MEGF8: variants seen among roughly 807,000 people sequenced by gnomAD.
The protein encoded by MEGF8 is multiple EGF like domains 8, also known as multiple epidermal growth factor-like domains protein 8.
MEGF8 carries 156 observed loss-of-function variants against 302.9 expected under a neutral mutation model. The observed-to-expected ratio is 0.52, with a 90% CI of 0.45 to 0.59. MEGF8 has a LOEUF of 0.59. MEGF8 is among the 20% of genes least tolerant of loss of function. The pLI is 0.00. For synonymous variants in MEGF8, 1,621 were observed against 1,660.5 expected, an observed-to-expected ratio of 0.98 and a Z score of 0.58; for missense variants, 3,345 against 3,964.5, an observed-to-expected ratio of 0.84 and a Z score of 4.20.
intron 41 of MEGF8, among the ~76,000 whole-genome samples, chr19:42,372,930 C>A (rs966618003): frequency 7.2e-5 from 11 of 152,116 alleles, no homozygotes; most frequent in African/African-American, 2.4e-4. Flanking sequence ...GCCTTGGCCC[C>A]CCAAAGTGCT....
Position 42,376,404 on chromosome 19 carries a change from C to A in MEGF8, c.8167C>A (p.Pro2723Thr). The A allele has an allele frequency of 6.2e-7, 1 of 1,612,800 alleles. No individual in the cohort carries two copies. Residue 2723 changes from proline to threonine, a missense_variant, in exon 42 of 42, where the codon CCC (proline) becomes ACC (threonine). Transcript: ENST00000251268. This position sits in a 1 kb window ranked among gnomAD's most constrained non-coding sequence, Gnocchi z 8.2. ...CTGGAAGCCGGCTGGGCTCCCACCT[C>A]CCGCCTTCCGCCGCTCTGAGCCCTT... ...SAWKPAGLPP[P>T]AFRRSEPFLA...
chr19:42,345,214 C>T (rs992453531), intron 12 of MEGF8, among the ~76,000 whole-genome samples: 24 of 152,320 alleles, frequency 1.6e-4, no homozygotes, highest in African/African-American at 5.1e-4. Context: ...TTAAATGATC[C>T]GCCTGCCTTG....
rs917844176 is a variant in MEGF8 at position 42,352,385 on chromosome 19, C to T, written c.3279C>T (p.Asn1093=). The change falls in exon 19 of 42, where the codon AAC becomes AAT. Residue 1093 remains asparagine (N), a synonymous_variant. Transcript: ENST00000251268. This position sits in a 1 kb window ranked among gnomAD's most constrained non-coding sequence, Gnocchi z 4.4. The stretch of plus-strand genomic sequence containing the variant: ...GCCACCCGCGGGCGACCTGCCTGAA[C>T]ACGCCCCTCAGCTACGAGTGTCACT... ...ARCHPRATCL[N]TPLSYECHCQ... is the part of the protein sequence containing the mutation. 6.3e-6 allele frequency: 10 copies of T among 1,593,338 alleles called. No individual in the cohort carries two copies. The highest frequency in any genetic ancestry group is 8.5e-6 in the Non-Finnish European group (10 of 1,170,744).
At chr19:42,327,464 A>G (rs1345827328) in intron 1 of MEGF8, among the ~76,000 whole-genome samples, 1 of 152,216 alleles carries the variant, frequency 6.6e-6, no homozygotes, top group Non-Finnish European at 1.5e-5. Context: ...GGAGGAGGAA[A>G]TGTCTAAGCT....
At chr19:42,329,571 TA>T (rs1466743438) in intron 1 of MEGF8, among the ~76,000 whole-genome samples, 1 of 152,022 alleles carries the variant, frequency 6.6e-6, no homozygotes, top group Non-Finnish European at 1.5e-5. Flanking sequence ...TATTATAAAA[TA>T]AACAACCAGC....
chr19:42,375,413 A>G lies in MEGF8; in HGVS notation c.7270-94A>G. The stretch of plus-strand genomic sequence containing the variant: ...GTGAGGCCCAGGGCAATGGCTACTT[A>G]GCAGTGGGTATAGAGTATTCGTCAC... On this transcript the variant is annotated intron_variant, in intron 41 of 41. Transcript: ENST00000251268. The surrounding 1 kb of genome is among the most constrained non-coding windows in gnomAD (Gnocchi z 7.1). The G allele has an allele frequency of 7.9e-7, 1 of 1,270,354 alleles. No homozygotes were observed. The highest frequency in any genetic ancestry group is 1.1e-6 in the Non-Finnish European group (1 of 939,572). The allele number at this position is 1,270,354 out of a possible 1,614,324, so 78.7% of individuals were successfully genotyped here.
At chr19:42,333,884 G>A (rs1454582600) in intron 2 of MEGF8, 116 bp downstream of exon 2, 8 of 1,526,188 alleles carry the variant, frequency 5.2e-6, no homozygotes, top group African/African-American at 1.4e-5. Context: ...GGAAGGTGGA[G>A]AGAGGCAAAG....
intron 5 of MEGF8, 57 bp from the exon 6 acceptor site, chr19:42,335,874 C>G (rs2039120494): frequency 1.4e-6 from 2 of 1,417,392 alleles, no homozygotes; most frequent in Non-Finnish European, 1.8e-6. Context: ...TCTGTCTAAG[C>G]CTGGCTCTGG....
intron 31 of MEGF8, among the ~76,000 whole-genome samples, chr19:42,360,204 C>T (rs944707847): frequency 6.6e-6 from 1 of 150,728 alleles, no homozygotes; most frequent in East Asian, 1.9e-4. Context: ...GTTGTCCAGC[C>T]GCCACATCTA....
Position 42,363,332 on chromosome 19 carries a change from G to T in MEGF8, c.6273+70G>T. ...GTCTCCCTCCTCTCTGCGCTGGCAG[G>T]GACCTTTCTTCCACCATCTCCTCCA... On this transcript the variant is annotated intron_variant, in intron 35 of 41. Coordinates refer to ENST00000251268, the MANE Select transcript of MEGF8 (RefSeq NM_001271938.2). 3.0e-6 allele frequency: 4 copies of T among 1,337,676 alleles called. No individual in the cohort carries two copies. In the South Asian group the frequency reaches 5.1e-5, roughly 17 times the overall value. 82.9% of individuals were successfully genotyped at this position (1,337,676 alleles called of 1,614,324 possible). A position where few individuals can be genotyped will look rare whatever the true frequency, so the allele number is the denominator to read the frequency against.
chr19:42,350,697 C>T (rs566250643), intron 15 of MEGF8, among the ~76,000 whole-genome samples: 10 of 152,340 alleles, frequency 6.6e-5, no homozygotes, highest in East Asian at 5.8e-4. Context: ...AGGCAGCCCT[C>T]GACACCCTGC....
chr19:42,351,276 C>CG lies in MEGF8; in HGVS notation c.2801dup (p.Arg935ProfsTer23). 6.4e-7 allele frequency: 1 copy of CG among 1,571,528 alleles called. No individual in the cohort carries two copies. The highest frequency in any genetic ancestry group is 1.9e-5 in the Admixed American group (1 of 53,102). ...CAAAGGGGACGCGGCATGCAGCCGG[C>CG]GGGGCCGGGGTCGGGGTGCCCTGAA... On this transcript the variant is annotated frameshift_variant, in exon 16 of 42. Coordinates refer to ENST00000251268, the MANE Select transcript of MEGF8 (RefSeq NM_001271938.2). LOFTEE classifies it high-confidence loss of function. This position sits in a 1 kb window ranked among gnomAD's most constrained non-coding sequence, Gnocchi z 5.6.
chr19:42,360,686 C>A, intron 31 of MEGF8, 89 bp from the exon 32 acceptor site: 1 of 1,528,818 alleles, frequency 6.5e-7, no homozygotes, highest in Non-Finnish European at 8.8e-7. Flanking sequence ...TCCTCTTTCC[C>A]TGCATCCTTC....
chr19:42,357,574 A>AC lies in MEGF8; in HGVS notation c.5007dup (p.Thr1670HisfsTer43). The AC allele has an allele frequency of 1.2e-6, 2 of 1,603,598 alleles. No homozygotes were observed. The highest frequency in any genetic ancestry group is 1.1e-5 in the South Asian group (1 of 89,960). On this transcript the variant is annotated frameshift_variant, in exon 28 of 42. Transcript: ENST00000251268. LOFTEE classifies it high-confidence loss of function. This position sits in a 1 kb window ranked among gnomAD's most constrained non-coding sequence, Gnocchi z 5.2. ...GGGTGTCAGGAGCCCAGAGTGGGAC[A>AC]CCCCCCACAGGTGGGGCTGGGGACC...
chr19:42,356,790 C>T lies in MEGF8; in HGVS notation c.4639C>T (p.Arg1547Trp), dbSNP rs778503199. ...TGGCCCCAGGTACTCAGTGAGTGAGCGGCGGTGGACACAGATGCTGGCGGG... is the reference window on the plus strand; with the variant it reads ...TGGCCCCAGGTACTCAGTGAGTGAGTGGCGGTGGACACAGATGCTGGCGGG... The part of the protein sequence containing the change: ...GNLYRYSVSE[R>W]RWTQMLAGAE... The change falls in exon 27 of 42, where the codon CGG (arginine) becomes TGG (tryptophan). Residue 1547 changes from arginine (R) to tryptophan (W), a missense_variant. Transcript: ENST00000251268. The surrounding 1 kb of genome is among the most constrained non-coding windows in gnomAD (Gnocchi z 5.2). The T allele has an allele frequency of 1.0e-5, 16 of 1,551,138 alleles. No individual in the cohort carries two copies. The East Asian group carries it at 1.2e-4, about 12-fold the overall frequency.
rs377217717 is a variant in MEGF8, at chr19:42,355,888, C to T, written c.4275C>T (p.Asp1425=). 41 of 1,581,760 alleles carry T rather than the reference C, an allele frequency of 2.6e-5. No individual in the cohort carries two copies. Among genetic ancestry groups the T allele is most frequent in the Middle Eastern group, 1.7e-4 (1 of 6,044 alleles). ...CPVPQECVPQ[D]GAAGAGLCRC... ...TCCCCCAGGAATGCGTGCCCCAGGA[C>T]GGTGCTGCAGGTGCGGGGCTCTGCC... The change falls in exon 24 of 42, where the codon GAC becomes GAT. Residue 1425 remains aspartate (D), a synonymous_variant. Transcript: ENST00000251268.
At chr19:42,337,029 G>C in intron 7 of MEGF8, 55 bp from the exon 8 acceptor site, 1 of 1,612,860 alleles carries the variant, frequency 6.2e-7, no homozygotes, top group Non-Finnish European at 8.5e-7. Context: ...CCCTGCAGGG[G>C]AGTCCCCCCA....
rs112754289 is a variant in MEGF8 at position 42,348,691 on chromosome 19, C to T, written c.2298+219C>T. Among the ~76,000 whole-genome samples the T allele has an allele frequency of 5.1e-3, 782 of 152,254 alleles. 12 individuals carry two copies. The highest frequency in any genetic ancestry group is 0.018 in the African/African-American group (739 of 41,558). ...CTCGGCTCACTGCTACCTTCACCTC[C>T]CAGGTTCAAGCAATTCTTCTGCCTC... On this transcript the variant is annotated intron_variant, in intron 13 of 41. Transcript: ENST00000251268.
chr19:42,351,153 C>A lies in MEGF8; in HGVS notation c.2737-63C>A, dbSNP rs1330138232. The A allele has an allele frequency of 7.2e-7, 1 of 1,397,964 alleles. No homozygotes were observed. Among genetic ancestry groups the A allele is most frequent in the Non-Finnish European group, 9.8e-7 (1 of 1,018,032 alleles). 86.6% of individuals were successfully genotyped at this position (1,397,964 alleles called of 1,614,324 possible). Reference sequence around the variant, plus strand: ...AGGGTGGGGCAGGGGGTGGGATGGGCACTGGGAGTCCAAAGGAAAGGGCTG... The same window carrying A: ...AGGGTGGGGCAGGGGGTGGGATGGGAACTGGGAGTCCAAAGGAAAGGGCTG... On this transcript the variant is annotated intron_variant, in intron 15 of 41. Transcript: ENST00000251268. The surrounding 1 kb of genome is among the most constrained non-coding windows in gnomAD (Gnocchi z 5.6).
Sources: allele counts gnomAD v4.1 joint callset (sites outside exome capture counted in the v4.1 genomes callset), GRCh38; gene constraint gnomAD v4.1.1; non-coding constraint Gnocchi (gnomAD v3.1); transcripts MANE v1.5; gene names NCBI Gene and HGNC (gene_info 2026-07-23, HGNC 2026-07-21).